STAG1: variants seen among roughly 807,000 people sequenced by gnomAD.
STAG1 encodes cohesin subunit SA-1.
In STAG1, 26 loss-of-function variants were observed where a neutral mutation model predicts 170.9. The ratio of observed to expected loss-of-function variants is 0.15; its 90% confidence interval spans 0.11 to 0.21. The LOEUF (loss-of-function observed/expected upper bound fraction) is 0.21, where lower values mean the gene tolerates loss of function less well. Among genes scored for constraint, STAG1 ranks in the 10% least tolerant of loss-of-function variants. The pLI is 1.00. For synonymous variants in STAG1, 514 were observed against 497.7 expected (o/e 1.03, Z -0.44); for missense variants, 964 against 1,509.5 (o/e 0.64, Z 5.99).
chr3:136,467,419 T>G (rs569798414), intron 12 of STAG1, among the ~76,000 whole-genome samples: 4 of 152,260 alleles, frequency 2.6e-5, no homozygotes, highest in Non-Finnish European at 4.4e-5. Flanking sequence ...AGAAGGCCAT[T>G]ACATAATGGC....
At chr3:136,693,095 T>A (rs1195873424) in intron 1 of STAG1, among the ~76,000 whole-genome samples, 1 of 152,216 alleles carries the variant, frequency 6.6e-6, no homozygotes, top group Non-Finnish European at 1.5e-5. Flanking sequence ...GAAAGAGATG[T>A]CATCATGATT....
At chr3:136,625,498 TCTGA>T (rs1015038341) in intron 2 of STAG1, among the ~76,000 whole-genome samples, 5 of 152,226 alleles carry the variant, frequency 3.3e-5, no homozygotes, top group African/African-American at 4.8e-5. Context: ...CTGACTTACC[TCTGA>T]CTTTCTACTC....
rs1935767774 is a variant in STAG1, at chr3:136,337,991, A to G, written c.*263T>C. 5.5e-6 allele frequency: 2 copies of G among 366,844 alleles called. No individual in the cohort carries two copies. Among genetic ancestry groups the G allele is most frequent in the Admixed American group, 8.9e-5 (2 of 22,366 alleles). The allele number at this position is 366,844 out of a possible 1,614,324, so 22.7% of individuals were successfully genotyped here. ...AATTTCTTCCTCCCTCCAGAAAAAC[A>G]CACACATCTGTATTGGGATAAGTCC... is the stretch of plus-strand genomic sequence containing the variant. On this transcript the variant is annotated 3_prime_UTR_variant, in exon 34 of 34. Transcript: ENST00000383202.
At chr3:136,662,416 T>C (rs1201524538) in intron 1 of STAG1, among the ~76,000 whole-genome samples, 2 of 152,054 alleles carry the variant, frequency 1.3e-5, no homozygotes, top group Admixed American at 6.6e-5. Context: ...CCTCCCAAAG[T>C]GCTGGGATTA....
intron 4 of STAG1, among the ~76,000 whole-genome samples, chr3:136,586,257 T>TACACAC (rs375352308): frequency 4.0e-5 from 6 of 150,494 alleles, no homozygotes; most frequent in African/African-American, 7.3e-5. Flanking sequence ...CATATACATA[T>TACACAC]ACACACACAC....
At position 136,477,420 on chromosome 3, in the gene STAG1, G is replaced by C. The variant is rs563168405; in HGVS notation, c.903-8C>G. ...ATCTCAGCAATAGCATCACTAGAGA[G>C]AGAAAAAAAAGACAATCTCAAATTA... On this transcript the variant is annotated splice_region_variant and splice_polypyrimidine_tract_variant and intron_variant, in intron 9 of 33. Coordinates refer to ENST00000383202, the MANE Select transcript of STAG1 (RefSeq NM_005862.3). 1.3e-6 allele frequency: 2 copies of C among 1,584,988 alleles called. No individual in the cohort carries two copies. The highest frequency in any genetic ancestry group is 2.3e-5 in the South Asian group (2 of 85,486).
intron 9 of STAG1, among the ~76,000 whole-genome samples, chr3:136,485,044 G>C (rs569988748): frequency 6.6e-6 from 1 of 152,166 alleles, no homozygotes; most frequent in Non-Finnish European, 1.5e-5. Flanking sequence ...CTTCTGCGTC[G>C]CTCACGCTGG....
intron 9 of STAG1, among the ~76,000 whole-genome samples, chr3:136,486,668 T>C (rs2090019132): frequency 6.6e-6 from 1 of 152,146 alleles, no homozygotes; most frequent in Non-Finnish European, 1.5e-5. Flanking sequence ...TGATTAAAAC[T>C]TAGTGACTAC....
At chr3:136,502,238 CTG>C (rs1011233002) in intron 8 of STAG1, among the ~76,000 whole-genome samples, 3 of 152,052 alleles carry the variant, frequency 2.0e-5, no homozygotes, top group Admixed American at 6.5e-5. Context: ...CATTGTAAAA[CTG>C]AGACCAATCT....
intron 1 of STAG1, among the ~76,000 whole-genome samples, chr3:136,711,736 TG>T (rs1189577720): frequency 6.6e-6 from 1 of 151,784 alleles, no homozygotes; most frequent in Non-Finnish European, 1.5e-5. Flanking sequence ...CACTCCAGAG[TG>T]ATGGCAAAAG....
chr3:136,439,419 CACACACACACACACACACACACAA>C (rs1418241592), intron 15 of STAG1, among the ~76,000 whole-genome samples: 18 of 142,422 alleles, frequency 1.3e-4, no homozygotes, highest in Admixed American at 2.8e-4. Flanking sequence ...CACACACACA[CACACACACACACACACACACACAA>C]ACACTGTAAG....
At chr3:136,486,044 G>T (rs558296150) in intron 9 of STAG1, among the ~76,000 whole-genome samples, 75 of 152,256 alleles carry the variant, frequency 4.9e-4, no homozygotes, top group Non-Finnish European at 3.2e-4. Context: ...ACTGCATCGG[G>T]ACCCATTAGC....
intron 7 of STAG1, among the ~76,000 whole-genome samples, chr3:136,507,580 T>C (rs1290369425): frequency 1.3e-5 from 2 of 151,948 alleles, no homozygotes; most frequent in African/African-American, 4.8e-5. Flanking sequence ...ATTGCCCAGG[T>C]TGGTCTTGAA....
chr3:136,432,641 G>T (rs2088342123), intron 16 of STAG1, among the ~76,000 whole-genome samples: 1 of 151,966 alleles, frequency 6.6e-6, no homozygotes, highest in African/African-American at 2.4e-5. Flanking sequence ...CGAGTAGCTG[G>T]AACTACAGGT....
chr3:136,470,393 C>T (rs1468659299), intron 12 of STAG1, among the ~76,000 whole-genome samples: 1 of 152,190 alleles, frequency 6.6e-6, no homozygotes, highest in African/African-American at 2.4e-5. Context: ...TAATGCTCAT[C>T]ATCACTGGCC....
intron 1 of STAG1, among the ~76,000 whole-genome samples, chr3:136,676,422 C>CA (rs1423892918): frequency 6.6e-6 from 1 of 152,144 alleles, no homozygotes; most frequent in Non-Finnish European, 1.5e-5. Context: ...CAGCTTAAAA[C>CA]AAACACATTG....
chr3:136,509,864 T>G (rs1220317327), intron 7 of STAG1, among the ~76,000 whole-genome samples: 1 of 152,236 alleles, frequency 6.6e-6, no homozygotes, highest in African/African-American at 2.4e-5. Flanking sequence ...ATTATACCTT[T>G]GAAAACTATT....
chr3:136,526,602 G>T (rs150428715), intron 6 of STAG1, among the ~76,000 whole-genome samples: 1,661 of 152,234 alleles, frequency 0.011, 27 homozygotes, highest in East Asian at 0.046. Context: ...TACATTTAAG[G>T]TTAATATTGT....
intron 6 of STAG1, among the ~76,000 whole-genome samples, chr3:136,540,351 TAA>T (rs1321258122): frequency 6.6e-6 from 1 of 152,062 alleles, no homozygotes; most frequent in Admixed American, 6.6e-5. Context: ...ATGGTGATTT[TAA>T]AAAAGTCTTC....
Sources: allele counts gnomAD v4.1 joint callset (sites outside exome capture counted in the v4.1 genomes callset), GRCh38; gene constraint gnomAD v4.1.1; transcripts MANE v1.5; gene names NCBI Gene and HGNC (gene_info 2026-07-23, HGNC 2026-07-21).